Variants in MNAT1 observed in about 807,000 individuals in gnomAD.
MNAT1 encodes MNAT1 component of CDK activating kinase.
In MNAT1, 43 loss-of-function variants were observed where a neutral mutation model predicts 42.0. The ratio of observed to expected loss-of-function variants is 1.02; its 90% CI spans 0.80 to 1.32. MNAT1 has a LOEUF of 1.32. MNAT1 is among the 40% of genes most tolerant of loss of function. The pLI, the probability that MNAT1 is intolerant of heterozygous loss-of-function variation, is 0.00. For missense variants in MNAT1, 306 were observed against 350.4 expected (o/e 0.87, Z 1.01); for synonymous variants, 118 against 120.0 (o/e 0.98, Z 0.11).
chr14:60,949,679 T>A lies in MNAT1; in HGVS notation c.810-18550T>A, dbSNP rs553533005. On this transcript the variant is annotated intron_variant, in intron 7 of 7. Transcript: ENST00000261245. ...CATGAAATTTTTGGTCCAAATGATA[T>A]TTAACCAACTAACTGGCTAATCTAT... Among the ~76,000 whole-genome samples, 6 of 152,294 alleles carry A rather than the reference T, an allele frequency of 3.9e-5. No individual in the cohort carries two copies. In the South Asian group the frequency reaches 1.2e-3, roughly 32 times the overall value.
chr14:60,783,911 C>G (rs1332254874), intron 1 of MNAT1, among the ~76,000 whole-genome samples: 2 of 152,110 alleles, frequency 1.3e-5, no homozygotes, highest in East Asian at 3.9e-4. Context: ...CTAACTGTAT[C>G]TCCAACTTCC....
intron 6 of MNAT1, among the ~76,000 whole-genome samples, chr14:60,849,984 C>G (rs2033782611): frequency 6.6e-6 from 1 of 151,962 alleles, no homozygotes; most frequent in Non-Finnish European, 1.5e-5. Context: ...TTACAGGTGC[C>G]TGGCACCACA....
chr14:60,969,906 G>A lies in MNAT1; in HGVS notation c.*1557G>A, dbSNP rs573665877. ...AGGCTTGTTTTGAGCCTGCCTTATT[G>A]TGGAAATTGCATGCACCTGGTTTGG... On this transcript the variant is annotated 3_prime_UTR_variant, in exon 8 of 8. Coordinates refer to ENST00000261245, the MANE Select transcript of MNAT1 (RefSeq NM_002431.4). 3 of 152,150 alleles carry A rather than the reference G, an allele frequency of 2.0e-5. No individual in the cohort carries two copies. Among genetic ancestry groups the A allele is most frequent in the Non-Finnish European group, 2.9e-5 (2 of 68,004 alleles). The allele number at this position is 152,150 out of a possible 1,614,324, so 9.4% of individuals were successfully genotyped here.
chr14:60,851,252 A>G (rs2033813137), intron 6 of MNAT1, among the ~76,000 whole-genome samples: 2 of 152,206 alleles, frequency 1.3e-5, no homozygotes, highest in Admixed American at 1.3e-4. Flanking sequence ...CTGTTAAAGA[A>G]GCTGCTTAAG....
intron 1 of MNAT1, among the ~76,000 whole-genome samples, chr14:60,767,598 T>TTTTA (rs745734410): frequency 2.2e-4 from 33 of 152,074 alleles, no homozygotes; most frequent in Non-Finnish European, 3.4e-4. Flanking sequence ...TAAATTTAAA[T>TTTTA]TTTATTTATT....
chr14:60,916,040 T>C (rs1479973394), intron 7 of MNAT1, among the ~76,000 whole-genome samples: 1 of 152,182 alleles, frequency 6.6e-6, no homozygotes, highest in Non-Finnish European at 1.5e-5. Flanking sequence ...CTGTGGTAAC[T>C]TTTCCATGAA....
chr14:60,790,016 A>G (rs2031768786), intron 1 of MNAT1, among the ~76,000 whole-genome samples: 2 of 152,060 alleles, frequency 1.3e-5, no homozygotes, highest in Non-Finnish European at 2.9e-5. Context: ...TCTGACACAG[A>G]CAGAAGAATA....
intron 7 of MNAT1, among the ~76,000 whole-genome samples, chr14:60,898,935 A>T (rs144482919): frequency 6.6e-6 from 1 of 152,256 alleles, no homozygotes; most frequent in African/African-American, 2.4e-5. Flanking sequence ...ATTTTTGTAT[A>T]TGGTGAGAGA....
At chr14:60,884,191 G>C (rs2034611800) in intron 7 of MNAT1, among the ~76,000 whole-genome samples, 1 of 151,856 alleles carries the variant, frequency 6.6e-6, no homozygotes, top group Non-Finnish European at 1.5e-5. Context: ...CAGTATACTA[G>C]CTGCAGGTCT....
intron 5 of MNAT1, among the ~76,000 whole-genome samples, chr14:60,813,709 G>A (rs537532080): frequency 2.6e-5 from 4 of 152,072 alleles, no homozygotes; most frequent in African/African-American, 9.7e-5. Flanking sequence ...ATTCATTTGG[G>A]ATACTCAGTC....
At chr14:60,767,787 A>C (rs1176259200) in intron 1 of MNAT1, among the ~76,000 whole-genome samples, 1 of 150,988 alleles carries the variant, frequency 6.6e-6, no homozygotes, top group Non-Finnish European at 1.5e-5. Context: ...TTGTTTTGAG[A>C]TGGAGTCTCA....
chr14:60,837,057 T>G (rs1359671633), intron 6 of MNAT1, among the ~76,000 whole-genome samples: 1 of 152,216 alleles, frequency 6.6e-6, no homozygotes, highest in African/African-American at 2.4e-5. Flanking sequence ...TAAGTAATGA[T>G]GGATGCCCCT....
At position 60,935,212 on chromosome 14, in the gene MNAT1, C is replaced by T. The variant is rs532029024; in HGVS notation, c.810-33017C>T. On this transcript the variant is annotated intron_variant, in intron 7 of 7. Transcript: ENST00000261245. ...CTCTTGAAGAGGACCATTTGTGTTA[C>T]GTAGATAGGGGCCATATTTCAGGCA... 5.5e-4 allele frequency among the ~76,000 whole-genome samples: 84 copies of T among 152,128 alleles called. 1 individual carries two copies. The highest frequency in any genetic ancestry group is 1.9e-3 in the African/African-American group (78 of 41,490).
intron 6 of MNAT1, among the ~76,000 whole-genome samples, chr14:60,839,288 C>G: frequency 6.6e-6 from 1 of 152,172 alleles, no homozygotes; most frequent in East Asian, 1.9e-4. Context: ...ATCCCAGACC[C>G]AGCCAGACTC....
chr14:60,898,289 C>T (rs2035004201), intron 7 of MNAT1, among the ~76,000 whole-genome samples: 1 of 152,012 alleles, frequency 6.6e-6, no homozygotes, highest in Non-Finnish European at 1.5e-5. Context: ...GTTAGATACC[C>T]AGTAGTGGGA....
chr14:60,913,355 T>A (rs2035430604), intron 7 of MNAT1, among the ~76,000 whole-genome samples: 1 of 152,228 alleles, frequency 6.6e-6, no homozygotes, highest in African/African-American at 2.4e-5. Flanking sequence ...TCCAGCTTTG[T>A]TCCGTTGCTG....
intron 6 of MNAT1, among the ~76,000 whole-genome samples, chr14:60,863,522 G>C (rs1199125079): frequency 6.6e-6 from 1 of 152,058 alleles, no homozygotes; most frequent in Non-Finnish European, 1.5e-5. Flanking sequence ...CTCCAAAGCT[G>C]TTTTACTAAA....
At chr14:60,894,076 A>AGGGC (rs2139492136) in intron 7 of MNAT1, among the ~76,000 whole-genome samples, 1 of 152,264 alleles carries the variant, frequency 6.6e-6, no homozygotes, top group East Asian at 1.9e-4. Flanking sequence ...TCTTGGGCAC[A>AGGGC]GGGCTGTTTC....
intron 7 of MNAT1, among the ~76,000 whole-genome samples, chr14:60,958,394 T>A (rs2036522897): frequency 6.6e-6 from 1 of 152,176 alleles, no homozygotes; most frequent in Non-Finnish European, 1.5e-5. Context: ...TGGTCTTATT[T>A]AGCTTCCCTT....
Sources: allele counts gnomAD v4.1 joint callset (sites outside exome capture counted in the v4.1 genomes callset), GRCh38; gene constraint gnomAD v4.1.1; transcripts MANE v1.5; gene names NCBI Gene and HGNC (gene_info 2026-07-23, HGNC 2026-07-21).